Variants in SULF2 observed in about 807,000 individuals in gnomAD.
SULF2 encodes the protein extracellular sulfatase Sulf-2.
Under a neutral mutation model 107.7 loss-of-function variants are expected in SULF2, and 52 were observed. The ratio of observed to expected loss-of-function variants is 0.48; its 90% CI spans 0.39 to 0.61. The LOEUF is 0.61. SULF2 is among the 20% of genes least tolerant of loss of function. The pLI is 0.00. For synonymous variants in SULF2, 460 were observed against 464.3 expected (o/e 0.99, Z 0.12); for missense variants, 993 against 1,177.3 (o/e 0.84, Z 2.29).
At chr20:47,681,222 G>C (rs190730810) in intron 7 of SULF2, among the ~76,000 whole-genome samples, 1 of 152,168 alleles carries the variant, frequency 6.6e-6, no homozygotes, top group Non-Finnish European at 1.5e-5. Context: ...CCTGAGGCTG[G>C]AGCTGTGCAT....
At chr20:47,720,266 A>AT (rs1406476240) in intron 3 of SULF2, among the ~76,000 whole-genome samples, 6 of 151,178 alleles carry the variant, frequency 4.0e-5, no homozygotes, top group African/African-American at 9.7e-5. Context: ...ATTTTATTTT[A>AT]TTTTTTTTGA....
chr20:47,714,323 G>A (rs1414744288), intron 3 of SULF2, among the ~76,000 whole-genome samples: 6 of 152,100 alleles, frequency 3.9e-5, no homozygotes, highest in Non-Finnish European at 5.9e-5. Context: ...ACTTCACACC[G>A]GCCTCTTGAT....
At chr20:47,764,157 A>G (rs992549534) in intron 1 of SULF2, among the ~76,000 whole-genome samples, 1 of 152,100 alleles carries the variant, frequency 6.6e-6, no homozygotes. Flanking sequence ...TCTTTGCTCA[A>G]ATTTCACCTT....
intron 4 of SULF2, 133 bp downstream of exon 4, chr20:47,702,386 G>T (rs2088599951): frequency 1.0e-6 from 1 of 967,710 alleles, no homozygotes. Context: ...AGGAGGAGGT[G>T]TATGTAAAAT....
intron 5 of SULF2, among the ~76,000 whole-genome samples, chr20:47,686,460 C>T (rs569490453): frequency 6.6e-6 from 1 of 152,346 alleles, no homozygotes; most frequent in East Asian, 1.9e-4. Flanking sequence ...GCTTCCTCGC[C>T]CTGGGCCTGA....
chr20:47,704,153 T>G, intron 3 of SULF2, among the ~76,000 whole-genome samples: 1 of 152,234 alleles, frequency 6.6e-6, no homozygotes, highest in South Asian at 2.1e-4. Flanking sequence ...ACGCTTTACA[T>G]CAACAACAAA....
intron 17 of SULF2, 90 bp from the exon 18 acceptor site, chr20:47,661,986 G>T: frequency 7.6e-7 from 1 of 1,320,088 alleles, no homozygotes. Context: ...TTTCAGGCAG[G>T]TGGCGGGTGG....
At chr20:47,782,144 C>T (rs940120396) in intron 1 of SULF2, among the ~76,000 whole-genome samples, 2 of 152,178 alleles carry the variant, frequency 1.3e-5, no homozygotes, top group African/African-American at 4.8e-5. Flanking sequence ...CCATTTGCAA[C>T]TTGCACACAG....
In SULF2 at chr20:47,757,194, T is replaced by C; in HGVS notation, c.170A>G (p.Glu57Gly). 6.4e-7 allele frequency: 1 copy of C among 1,552,956 alleles called. No individual in the cohort carries two copies. Among genetic ancestry groups the C allele is most frequent in the Non-Finnish European group, 8.7e-7 (1 of 1,146,782 alleles). The change falls in exon 2 of 21, where the codon GAG becomes GGG. Residue 57 changes from glutamate (E) to glycine (G), a missense_variant. Physicochemically the swap from Glu to Gly is moderately conservative, Grantham distance 98 (BLOSUM62 -2). Around this residue, in one of 3 missense-constraint regions of SULF2, gnomAD observed 388 missense variants for 449.2 expected, o/e 0.86. Transcript: ENST00000688720. ...CCTGGGGCCCCGAGGCTTACCCAGC[T>C]CCACATCCTGGTCGTCCGTCAGCAC... ...ILVLTDDQDV[E>G]LGSMQVMNKT...
chr20:47,729,458 C>T (rs146279541), intron 3 of SULF2, among the ~76,000 whole-genome samples: 67 of 152,310 alleles, frequency 4.4e-4, no homozygotes, highest in African/African-American at 1.5e-3. Flanking sequence ...CCAGGAGAAA[C>T]CTGGAACAGG....
chr20:47,736,649 G>T, intron 3 of SULF2, 54 bp downstream of exon 3: 1 of 1,606,206 alleles, frequency 6.2e-7, no homozygotes, highest in South Asian at 1.1e-5. Flanking sequence ...CACACCTAGG[G>T]ACGCCCGCCC....
intron 1 of SULF2, among the ~76,000 whole-genome samples, chr20:47,777,330 C>T (rs2090742449): frequency 6.6e-6 from 1 of 152,048 alleles, no homozygotes; most frequent in Admixed American, 6.5e-5. Context: ...AGTGTTCTGG[C>T]AAGGATTTTA....
At chr20:47,747,598 G>A (rs1405409975) in intron 2 of SULF2, among the ~76,000 whole-genome samples, 1 of 152,114 alleles carries the variant, frequency 6.6e-6, no homozygotes, top group Non-Finnish European at 1.5e-5. Context: ...TCCCTGGGAG[G>A]GGATATTTAT....
chr20:47,765,806 G>T (rs186262538), intron 1 of SULF2, among the ~76,000 whole-genome samples: 15 of 152,306 alleles, frequency 9.8e-5, no homozygotes, highest in African/African-American at 3.4e-4. Context: ...TCTGACCCCA[G>T]AGCCTACTCT....
intron 3 of SULF2, among the ~76,000 whole-genome samples, chr20:47,714,023 C>T (rs114996090): frequency 3.2e-4 from 48 of 152,108 alleles, no homozygotes; most frequent in South Asian, 1.5e-3. Context: ...TGGGCTGGAG[C>T]GCGGAGCCGA....
chr20:47,663,008 G>A (rs531471078), intron 17 of SULF2, 62 bp downstream of exon 17: 863 of 1,594,774 alleles, frequency 5.4e-4, no homozygotes, highest in Non-Finnish European at 7.0e-4. Context: ...GGTTGGGGGG[G>A]GCCTACCTGG....
chr20:47,663,269 A>G, intron 16 of SULF2, 57 bp from the exon 17 acceptor site: 2 of 1,608,176 alleles, frequency 1.2e-6, no homozygotes, highest in Non-Finnish European at 1.7e-6. Context: ...CCCATCTGCC[A>G]ACAGTGATTC....
In SULF2 at chr20:47,757,403, G is replaced by A; in HGVS notation, c.-40C>T. 1 of 1,534,574 alleles carries A rather than the reference G, an allele frequency of 6.5e-7. No individual in the cohort carries two copies. The highest frequency in any genetic ancestry group is 1.4e-5 in the African/African-American group (1 of 72,812). ...GATCTGGTGCTTCTTTTGGGATGCG[G>A]GAGTCTCAAGTTGCGTCTGTGGCTT... On this transcript the variant is annotated 5_prime_UTR_variant, in exon 2 of 21. Coordinates refer to ENST00000688720, the MANE Select transcript of SULF2 (RefSeq NM_001387048.1).
rs1286603977 is a variant in SULF2, at chr20:47,745,462, TACAC to T, written c.176-8524_176-8521del. Among the ~76,000 whole-genome samples, 9 of 20,272 alleles carry T rather than the reference TACAC, an allele frequency of 4.4e-4. 1 individual carries two copies. The Admixed American group carries it at 5.3e-3, about 12-fold the overall frequency. The allele number at this position is 20,272 out of a possible 152,430, so 13.3% of individuals were successfully genotyped here. A position where few individuals can be genotyped will look rare whatever the true frequency, so the allele number is the denominator to read the frequency against. On this transcript the variant is annotated intron_variant, in intron 2 of 20. Coordinates refer to ENST00000688720, the MANE Select transcript of SULF2 (RefSeq NM_001387048.1). ...ATATATATATATATATATATACACA[TACAC>T]ACACACTTTTTTAGTTCAATGCTTG... is the stretch of plus-strand genomic sequence containing the variant.
Sources: gnomAD v4.1 joint callset for allele counts (sites outside exome capture counted in the v4.1 genomes callset) on GRCh38, gnomAD v4.1.1 for gene constraint, gnomAD v4.1.1 regional missense constraint, MANE v1.5 for transcripts, NCBI Gene and HGNC (gene_info 2026-07-23, HGNC 2026-07-21) for gene names.